The following TXLNG variants were observed in gnomAD, a reference collection of about 807,000 sequenced individuals.
The protein encoded by TXLNG is gamma-taxilin.
A neutral mutation model predicts 38.8 loss-of-function variants in TXLNG; 5 were observed. The ratio of observed to expected loss-of-function variants is 0.13; its 90% CI spans 0.07 to 0.27. TXLNG has a LOEUF of 0.27. TXLNG is among the 10% of genes least tolerant of loss of function. TXLNG has a pLI of 1.00. For missense variants in TXLNG, 393 were observed against 398.2 expected (o/e 0.99, Z 0.11); for synonymous variants, 182 against 158.2 (o/e 1.15, Z -1.13).
intron 1 of TXLNG, among the ~76,000 whole-genome samples, chrX:16,804,401 T>G (rs1928241620): frequency 9.0e-6 from 1 of 111,291 alleles, no homozygotes; most frequent in Non-Finnish European, 1.9e-5. Flanking sequence ...TGGAATAAAC[T>G]CAAAGCGGTA....
At chrX:16,797,428 T>A (rs1324850094) in intron 1 of TXLNG, among the ~76,000 whole-genome samples, 2 of 112,115 alleles carry the variant, frequency 1.8e-5, no homozygotes, top group Non-Finnish European at 3.8e-5. Flanking sequence ...GGTCCTTTGC[T>A]TTAGGGTTTG....
chrX:16,789,270 A>G (rs1018557382), intron 1 of TXLNG, among the ~76,000 whole-genome samples: 1 of 110,562 alleles, frequency 9.0e-6, no homozygotes, highest in Non-Finnish European at 1.9e-5. Flanking sequence ...CGACCTGCTC[A>G]GTTAATTGTG....
intron 1 of TXLNG, among the ~76,000 whole-genome samples, chrX:16,813,291 T>C (rs1928605137): frequency 9.0e-6 from 1 of 110,827 alleles, no homozygotes; most frequent in Admixed American, 9.7e-5. Context: ...TAATAACAAG[T>C]GTTGCTGAGG....
Position 16,844,044 on chromosome X carries a change from T to G in TXLNG, c.*2278T>G, listed in dbSNP as rs749775814. 3 of 111,917 alleles carry G rather than the reference T, an allele frequency of 2.7e-5. No homozygotes were observed. Among genetic ancestry groups the G allele is most frequent in the Non-Finnish European group, 3.8e-5 (2 of 53,200 alleles). 9.2% of individuals were successfully genotyped at this position (111,917 alleles called of 1,213,427 possible). On this transcript the variant is annotated 3_prime_UTR_variant, in exon 10 of 10. Transcript: ENST00000380122. ...GCCCAGAAAAGGTTTAAATGTTGAA[T>G]TCACTTAAATTGCAATTGTTGCACC... is the stretch of plus-strand genomic sequence containing the variant.
intron 1 of TXLNG, among the ~76,000 whole-genome samples, chrX:16,803,809 G>A (rs1472761063): frequency 9.1e-6 from 1 of 109,571 alleles, no homozygotes; most frequent in Non-Finnish European, 1.9e-5. Flanking sequence ...AAAATTAGCT[G>A]GGCATGGTGG....
intron 1 of TXLNG, among the ~76,000 whole-genome samples, chrX:16,817,979 C>T (rs1360091094): frequency 1.8e-5 from 2 of 111,647 alleles, no homozygotes; most frequent in Middle Eastern, 4.6e-3. Context: ...TTGCCAGAGT[C>T]GGGGAGAGAT....
At chrX:16,802,671 C>T (rs935696753) in intron 1 of TXLNG, among the ~76,000 whole-genome samples, 6 of 111,168 alleles carry the variant, frequency 5.4e-5, no homozygotes, top group Non-Finnish European at 7.5e-5. Context: ...GCGTTAGTAA[C>T]GGAAAAGTGA....
rs1235987353 is a variant in TXLNG, at chrX:16,843,590, C to A, written c.*1824C>A. 1 of 111,929 alleles carries A rather than the reference C, an allele frequency of 8.9e-6. No individual in the cohort carries two copies. Among genetic ancestry groups the A allele is most frequent in the Non-Finnish European group, 1.9e-5 (1 of 53,215 alleles). 9.2% of individuals were successfully genotyped at this position (111,929 alleles called of 1,213,427 possible). On this transcript the variant is annotated 3_prime_UTR_variant, in exon 10 of 10. Coordinates refer to ENST00000380122, the MANE Select transcript of TXLNG (RefSeq NM_018360.3). ...AATATAATCCACCTTAAAATTAGTA[C>A]TAATGATCACATTATTTCACAAGAA...
At position 16,842,902 on chromosome X, in the gene TXLNG, T is replaced by C. The variant is rs1352868431; in HGVS notation, c.*1136T>C. 1 of 112,132 alleles carries C rather than the reference T, an allele frequency of 8.9e-6. No homozygotes were observed. The highest frequency in any genetic ancestry group is 1.9e-5 in the Non-Finnish European group (1 of 53,243). The allele number at this position is 112,132 out of a possible 1,213,427, so 9.2% of individuals were successfully genotyped here. ...TCTCACCCCCTTCTTAGTTACCATC[T>C]CTTTTTTAAGAAGAAAAAAGAAAAG... On this transcript the variant is annotated 3_prime_UTR_variant, in exon 10 of 10. Coordinates refer to ENST00000380122, the MANE Select transcript of TXLNG (RefSeq NM_018360.3).
intron 4 of TXLNG, among the ~76,000 whole-genome samples, chrX:16,829,071 G>GT (rs1464528572): frequency 9.0e-6 from 1 of 111,652 alleles, no homozygotes; most frequent in Non-Finnish European, 1.9e-5. Context: ...GAGTAGGCTG[G>GT]TAACAGTTCA....
chrX:16,824,173 C>T (rs1407348605), intron 3 of TXLNG, among the ~76,000 whole-genome samples: 2 of 111,838 alleles, frequency 1.8e-5, no homozygotes, highest in African/African-American at 6.5e-5. Flanking sequence ...TCAAGACCAG[C>T]CTGGGCAACG....
chrX:16,833,259 TCTACC>T (rs1430222694), intron 6 of TXLNG, among the ~76,000 whole-genome samples: 2 of 112,715 alleles, frequency 1.8e-5, no homozygotes, highest in Non-Finnish European at 3.7e-5. Context: ...AACAGAATTC[TCTACC>T]CTAATCACTC....
chrX:16,789,961 A>AT lies in TXLNG; in HGVS notation c.102+3380dup, dbSNP rs755260798. Among the ~76,000 whole-genome samples, 7 of 109,185 alleles carry AT rather than the reference A, an allele frequency of 6.4e-5. No homozygotes were observed. The South Asian group carries it at 2.4e-3, about 37-fold the overall frequency. 94.8% of individuals were successfully genotyped at this position (109,185 alleles called of 115,157 possible). On this transcript the variant is annotated intron_variant, in intron 1 of 9. Transcript: ENST00000380122. ...AGGCATGTGCCACCACGCCCGGCTA[A>AT]TTTTTTTTGTATTTTTAGTAGAGAC...
chrX:16,801,430 C>G, intron 1 of TXLNG, among the ~76,000 whole-genome samples: 1 of 112,035 alleles, frequency 8.9e-6, no homozygotes. Context: ...AGGTGATCCG[C>G]CCGCCTCGGC....
intron 1 of TXLNG, among the ~76,000 whole-genome samples, chrX:16,795,271 T>C (rs1927843635): frequency 9.0e-6 from 1 of 110,536 alleles, no homozygotes; most frequent in African/African-American, 3.3e-5. Context: ...AGCGAGACAC[T>C]GTCTCAAAAA....
chrX:16,843,438 CCA>C lies in TXLNG; in HGVS notation c.*1673_*1674del, dbSNP rs1929943588. ...ATCCACAAAGTAGATTATCTAATTA[CCA>C]TCAAAATGAGTCAGAAGCAAAAAAC... On this transcript the variant is annotated 3_prime_UTR_variant, in exon 10 of 10. Coordinates refer to ENST00000380122, the MANE Select transcript of TXLNG (RefSeq NM_018360.3). 1 of 111,587 alleles carries C rather than the reference CCA, an allele frequency of 9.0e-6. No individual in the cohort carries two copies. The highest frequency in any genetic ancestry group is 3.3e-5 in the African/African-American group (1 of 30,639). 9.2% of individuals were successfully genotyped at this position (111,587 alleles called of 1,213,427 possible).
Position 16,841,892 on chromosome X carries a change from T to TC in TXLNG, c.*126_*127insC. 2 of 758,486 alleles carry TC rather than the reference T, an allele frequency of 2.6e-6. No homozygotes were observed. Among genetic ancestry groups the TC allele is most frequent in the Non-Finnish European group, 3.8e-6 (2 of 526,060 alleles). 62.5% of individuals were successfully genotyped at this position (758,486 alleles called of 1,213,427 possible). Reference sequence around the variant, plus strand: ...TACCATATCTGTATTTTCTTAGAACTACTGGACTTATGTGGTACAGGAGGC... The same window carrying TC: ...TACCATATCTGTATTTTCTTAGAACTCACTGGACTTATGTGGTACAGGAGGC... On this transcript the variant is annotated 3_prime_UTR_variant, in exon 10 of 10. Coordinates refer to ENST00000380122, the MANE Select transcript of TXLNG (RefSeq NM_018360.3).
rs143684719 is a variant in TXLNG, at chrX:16,841,744, C to T, written c.1565C>T (p.Pro522Leu). Residue 522 changes from proline to leucine, a missense_variant, in exon 10 of 10, where the codon CCG becomes CTG. By Grantham distance (98) the Pro-to-Leu change is moderately conservative. Transcript: ENST00000380122. ...VQKPPSTGSA[P>L]AIESVD is the part of the protein sequence containing the mutation. ...AAGCCCCCGTCCACAGGCTCTGCTC[C>T]GGCCATCGAGTCGGTTGACTAAGAT... 1,064 of 1,208,584 alleles carry T rather than the reference C, an allele frequency of 8.8e-4. 9 individuals are homozygous for T. The African/African-American group carries it at 0.016, about 18-fold the overall frequency.
rs1227671871 is a variant in TXLNG at position 16,843,885 on chromosome X, C to G, written c.*2119C>G. On this transcript the variant is annotated 3_prime_UTR_variant, in exon 10 of 10. Transcript: ENST00000380122. Reference sequence around the variant, plus strand: ...TTTCAGAACCCTTCCTCCCATTACCCTGTGAATAAAAACAAATGGGACCCC... The same window carrying G: ...TTTCAGAACCCTTCCTCCCATTACCGTGTGAATAAAAACAAATGGGACCCC... 1 of 111,680 alleles carries G rather than the reference C, an allele frequency of 9.0e-6. No homozygotes were observed. The highest frequency in any genetic ancestry group is 3.3e-5 in the African/African-American group (1 of 30,584). 9.2% of individuals were successfully genotyped at this position (111,680 alleles called of 1,213,427 possible).
Sources: gnomAD v4.1 joint callset for allele counts (sites outside exome capture counted in the v4.1 genomes callset) on GRCh38, gnomAD v4.1.1 for gene constraint, MANE v1.5 for transcripts, NCBI Gene and HGNC (gene_info 2026-07-23, HGNC 2026-07-21) for gene names.